The following RAB11FIP3 variants were observed in gnomAD, a reference collection of about 807,000 sequenced individuals.
RAB11FIP3 encodes the protein rab11 family-interacting protein 3.
RAB11FIP3 carries 17 observed loss-of-function variants against 77.8 expected under a neutral mutation model. The ratio of observed to expected loss-of-function variants is 0.22; its 90% confidence interval spans 0.15 to 0.33. RAB11FIP3 has a LOEUF of 0.33. Among genes scored for constraint, RAB11FIP3 ranks in the 10% least tolerant of loss-of-function variants. The pLI is 1.00. For missense variants in RAB11FIP3, 1,005 were observed against 1,011.2 expected (o/e 0.99, Z 0.08); for synonymous variants, 437 against 448.2 (o/e 0.98, Z 0.31).
intron 5 of RAB11FIP3, among the ~76,000 whole-genome samples, chr16:494,508 G>A (rs2030921862): frequency 6.6e-6 from 1 of 151,874 alleles, no homozygotes; most frequent in South Asian, 2.1e-4. Context: ...TGTAGTCCCA[G>A]CTACTCGGGA....
rs757298808 is a variant in RAB11FIP3 at position 520,711 on chromosome 16, C to G, written c.2158-15C>G. On this transcript the variant is annotated splice_polypyrimidine_tract_variant and intron_variant, in intron 13 of 13. Transcript: ENST00000262305. Reference sequence around the variant, plus strand: ...GCCCATGCGCCTCAGCTCTGACCACCTGCTTGCCCTACAGCTCATGGAGGC... The same window carrying G: ...GCCCATGCGCCTCAGCTCTGACCACGTGCTTGCCCTACAGCTCATGGAGGC... 3 of 1,613,412 alleles carry G rather than the reference C, an allele frequency of 1.9e-6. No individual in the cohort carries two copies. In the South Asian group the frequency reaches 3.3e-5, roughly 18 times the overall value.
intron 1 of RAB11FIP3, among the ~76,000 whole-genome samples, chr16:435,322 G>T (rs2055111084): frequency 6.6e-6 from 1 of 152,104 alleles, no homozygotes; most frequent in African/African-American, 2.4e-5. Flanking sequence ...CCAGGCTTAT[G>T]GATTGCTTCT....
chr16:443,799 T>C (rs757843785), intron 1 of RAB11FIP3, among the ~76,000 whole-genome samples: 43 of 152,286 alleles, frequency 2.8e-4, no homozygotes, highest in Middle Eastern at 3.4e-3. Context: ...CTCCTGACCT[T>C]GTGATCCGCC....
chr16:489,121 T>A, intron 5 of RAB11FIP3, 121 bp downstream of exon 5: 1 of 1,207,184 alleles, frequency 8.3e-7, no homozygotes, highest in Non-Finnish European at 1.1e-6. Flanking sequence ...GTCATGTGAT[T>A]AAGTAAACCA....
At chr16:462,774 C>T (rs1470659971) in intron 2 of RAB11FIP3, among the ~76,000 whole-genome samples, 6 of 140,576 alleles carry the variant, frequency 4.3e-5, no homozygotes, top group Admixed American at 2.1e-4. Context: ...TCCCCAGCAC[C>T]GTCCCTTCCC....
At position 498,793 on chromosome 16, in the gene RAB11FIP3, C is replaced by T. The variant is rs573469835; in HGVS notation, c.1301+1934C>T. Among the ~76,000 whole-genome samples the T allele has an allele frequency of 1.7e-4, 26 of 151,952 alleles. No individual in the cohort carries two copies. In the South Asian group the frequency reaches 4.1e-3, roughly 24 times the overall value. Reference sequence around the variant, plus strand: ...ATGTTGGAATTACAGGCAGGAGCCACCGCGTCCCACTTGTTTTCCATTTTC... The same window carrying T: ...ATGTTGGAATTACAGGCAGGAGCCATCGCGTCCCACTTGTTTTCCATTTTC... On this transcript the variant is annotated intron_variant, in intron 6 of 13. Coordinates refer to ENST00000262305, the MANE Select transcript of RAB11FIP3 (RefSeq NM_014700.4).
At chr16:440,980 G>A (rs1402194473) in intron 1 of RAB11FIP3, among the ~76,000 whole-genome samples, 4 of 150,992 alleles carry the variant, frequency 2.6e-5, no homozygotes, top group Admixed American at 6.6e-5. Flanking sequence ...TCGCTTTGTC[G>A]CCCAGGGTGG....
chr16:462,261 A>C (rs562383930), intron 2 of RAB11FIP3, among the ~76,000 whole-genome samples: 1 of 152,134 alleles, frequency 6.6e-6, no homozygotes, highest in African/African-American at 2.4e-5. Flanking sequence ...CACTCTTGTC[A>C]CCCAGGCTGG....
At chr16:503,123 G>A (rs2031622501) in intron 7 of RAB11FIP3, 26 bp downstream of exon 7, 1 of 1,559,216 alleles carries the variant, frequency 6.4e-7, no homozygotes, top group Non-Finnish European at 8.8e-7. Context: ...CTGGGTAGGT[G>A]GCAAGTAGGG....
At chr16:457,714 T>C (rs1001289392) in intron 1 of RAB11FIP3, among the ~76,000 whole-genome samples, 1 of 152,236 alleles carries the variant, frequency 6.6e-6, no homozygotes, top group African/African-American at 2.4e-5. Flanking sequence ...CCTATTCTAG[T>C]TAATGATTTG....
intron 5 of RAB11FIP3, among the ~76,000 whole-genome samples, chr16:494,522 T>C (rs908339145): frequency 6.6e-6 from 1 of 151,720 alleles, no homozygotes; most frequent in Non-Finnish European, 1.5e-5. Context: ...CTCGGGAGGC[T>C]GAGGCCGGAG....
intron 2 of RAB11FIP3, among the ~76,000 whole-genome samples, chr16:462,875 C>T (rs1171962513): frequency 1.3e-5 from 2 of 151,712 alleles, no homozygotes; most frequent in African/African-American, 4.8e-5. Flanking sequence ...TTCCTCAGCA[C>T]AATGTCTTCC....
In RAB11FIP3 at chr16:514,282, C is replaced by T. The variant is rs942484607; in HGVS notation, c.1640+3482C>T. Among the ~76,000 whole-genome samples the T allele has an allele frequency of 2.6e-5, 4 of 152,246 alleles. No homozygotes were observed. Among genetic ancestry groups the T allele is most frequent in the Middle Eastern group, 3.2e-3 (1 of 316 alleles). On this transcript the variant is annotated intron_variant, in intron 9 of 13. Transcript: ENST00000262305. The surrounding 1 kb of genome is among the most constrained non-coding windows in gnomAD (Gnocchi z 4.6). ...CTGCGGTCAGCCCAGCACGAGGCCT[C>T]TGGCATCTTGGGGACTTCCCCAGCC...
rs1473975828 is a variant in RAB11FIP3, at chr16:474,700, G to A, written c.903+3311G>A. ...TGCCTTAGTGAAATGATAGTGAAATGTGTCTTTTGTGCAAACCATTATCAG... is the reference window on the plus strand; with the variant it reads ...TGCCTTAGTGAAATGATAGTGAAATATGTCTTTTGTGCAAACCATTATCAG... On this transcript the variant is annotated intron_variant, in intron 3 of 13. Coordinates refer to ENST00000262305, the MANE Select transcript of RAB11FIP3 (RefSeq NM_014700.4). 4 of 721,856 alleles carry A rather than the reference G, an allele frequency of 5.5e-6. No individual in the cohort carries two copies. The East Asian group carries it at 1.4e-4, about 26-fold the overall frequency. The allele number at this position is 721,856 out of a possible 1,614,324, so 44.7% of individuals were successfully genotyped here. A position where few individuals can be genotyped will look rare whatever the true frequency, so the allele number is the denominator to read the frequency against.
intron 1 of RAB11FIP3, among the ~76,000 whole-genome samples, chr16:435,316 G>T (rs1400856342): frequency 1.3e-5 from 2 of 152,130 alleles, no homozygotes; most frequent in Non-Finnish European, 2.9e-5. Context: ...AGGGCACCAG[G>T]CTTATGGATT....
chr16:518,937 T>A lies in RAB11FIP3; in HGVS notation c.1641-6T>A, dbSNP rs776880532. 2.3e-5 allele frequency: 37 copies of A among 1,613,304 alleles called. No homozygotes were observed. The highest frequency in any genetic ancestry group is 3.1e-5 in the Non-Finnish European group (36 of 1,179,856). Reference sequence around the variant, plus strand: ...AGTGAGTTTCAGCTTTGTTCTTGTGTCCCAGGCTACAGCAACTGGACGAGG... The same window carrying A: ...AGTGAGTTTCAGCTTTGTTCTTGTGACCCAGGCTACAGCAACTGGACGAGG... On this transcript the variant is annotated splice_region_variant and splice_polypyrimidine_tract_variant and intron_variant, in intron 9 of 13. Transcript: ENST00000262305.
chr16:427,740 C>T (rs549325205), intron 1 of RAB11FIP3, among the ~76,000 whole-genome samples: 8 of 152,114 alleles, frequency 5.3e-5, no homozygotes, highest in Non-Finnish European at 1.2e-4. Context: ...CATGTTTAAG[C>T]CAAGAGGTCT....
intron 1 of RAB11FIP3, among the ~76,000 whole-genome samples, chr16:439,113 G>A (rs1298652426): frequency 6.6e-6 from 1 of 152,178 alleles, no homozygotes; most frequent in African/African-American, 2.4e-5. Flanking sequence ...CCTCCTCTTC[G>A]TAGCTGGCAC....
Position 448,022 on chromosome 16 carries a change from T to G in RAB11FIP3, c.715-13382T>G, listed in dbSNP as rs147613660. On this transcript the variant is annotated intron_variant, in intron 1 of 13. Transcript: ENST00000262305. ...AAAACTGTAAAGAAAATTTGACATA[T>G]GAAAAAGCGTATTGTCCAGGCGCAG... Among the ~76,000 whole-genome samples, 941 of 151,912 alleles carry G rather than the reference T, an allele frequency of 6.2e-3. 8 individuals carry two copies. The highest frequency in any genetic ancestry group is 9.9e-3 in the Non-Finnish European group (673 of 67,916).
Sources: gnomAD v4.1 joint callset for allele counts (sites outside exome capture counted in the v4.1 genomes callset) on GRCh38, gnomAD v4.1.1 for gene constraint, Gnocchi (gnomAD v3.1) non-coding constraint, MANE v1.5 for transcripts, NCBI Gene and HGNC (gene_info 2026-07-23, HGNC 2026-07-21) for gene names.